The following DRC5 variants were observed in gnomAD, a reference collection of about 807,000 sequenced individuals.
The protein encoded by DRC5 is dynein regulatory complex subunit 5.
chr6:44,282,497 A>G, the DRC5 span: 1 of 1,608,032 alleles, frequency 6.2e-7, no homozygotes, highest in South Asian at 1.1e-5. Flanking sequence ...GGTGGTCCAG[A>G]AGGCTTCGAA....
At chr6:44,288,993 C>CAA in the DRC5 span, among the ~76,000 whole-genome samples, 19,732 of 32,644 alleles carry the variant, frequency 0.6, 7,105 homozygotes, top group South Asian at 0.77. Flanking sequence ...GACTCTGTCT[C>CAA]AAAAAAAAAA....
chr6:44,286,177 C>A, the DRC5 span: 9 of 1,612,382 alleles, frequency 5.6e-6, no homozygotes, highest in Non-Finnish European at 5.9e-6. Context: ...CTGAGTCGGA[C>A]TGGTCGCCCG....
chr6:44,286,053 C>T, the DRC5 span: 151 of 1,614,000 alleles, frequency 9.4e-5, no homozygotes, highest in Non-Finnish European at 1.2e-4. Flanking sequence ...AAATTCATGC[C>T]GCAGTCCTTG....
chr6:44,282,225 G>C, the DRC5 span: 8 of 1,614,110 alleles, frequency 5.0e-6, no homozygotes, highest in African/African-American at 5.3e-5. Flanking sequence ...GAGGTGCAGC[G>C]TGGTGAGGCA....
At chr6:44,287,989 T>C in the DRC5 span, 2 of 817,326 alleles carry the variant, frequency 2.4e-6, no homozygotes, top group African/African-American at 3.5e-5. Context: ...AGAGAGGTGG[T>C]ACAGAATAGT....
the DRC5 span, chr6:44,279,897 CCTCT>C: frequency 1.1e-4 from 35 of 331,988 alleles, no homozygotes; most frequent in African/African-American, 2.3e-4. Context: ...CCCTCAGACA[CCTCT>C]CTGACTTCCC....
chr6:44,286,123 T>G, the DRC5 span: 5 of 1,613,870 alleles, frequency 3.1e-6, no homozygotes, highest in Non-Finnish European at 4.2e-6. Context: ...GATCGCCCAG[T>G]TGGTAGTGGT....
the DRC5 span, chr6:44,287,567 T>C: frequency 2.5e-5 from 40 of 1,610,062 alleles, no homozygotes; most frequent in East Asian, 7.8e-4. Context: ...TTCCTGATAA[T>C]GTGCTGAATG....
At chr6:44,288,245 C>T in the DRC5 span, among the ~76,000 whole-genome samples, 3 of 152,192 alleles carry the variant, frequency 2.0e-5, no homozygotes, top group Admixed American at 2.0e-4. Context: ...ACAGTAATTG[C>T]TCTGTGCCAG....
the DRC5 span, chr6:44,279,751 GTGTGT>G: frequency 5.2e-3 from 150 of 28,856 alleles, 1 homozygote; most frequent in Middle Eastern, 0.021. Flanking sequence ...GCCAGAGGGT[GTGTGT>G]GTGTGTGTGT....
chr6:44,296,935 C>CTTGGACTTG, the DRC5 span, among the ~76,000 whole-genome samples: 1 of 147,442 alleles, frequency 6.8e-6, no homozygotes, highest in African/African-American at 2.5e-5. Context: ...AACTGAGCCT[C>CTTGGACTTG]GGCCCGTGTG....
chr6:44,282,416 C>G, the DRC5 span: 1 of 1,614,064 alleles, frequency 6.2e-7, no homozygotes, highest in African/African-American at 1.3e-5. Context: ...TGTGGCTCAG[C>G]AGCTTGGCAG....
chr6:44,286,400 T>TGCATGCA, the DRC5 span: 1 of 1,614,188 alleles, frequency 6.2e-7, no homozygotes, highest in Non-Finnish European at 8.5e-7. Flanking sequence ...GGGCCAGCGA[T>TGCATGCA]GCATGCAGCA....
the DRC5 span, chr6:44,287,479 C>G: frequency 6.7e-7 from 1 of 1,492,520 alleles, no homozygotes; most frequent in Non-Finnish European, 9.1e-7. Flanking sequence ...GTCTTGGCTC[C>G]GGACAGTCCC....
the DRC5 span, among the ~76,000 whole-genome samples, chr6:44,288,087 T>C: frequency 1.3e-5 from 2 of 152,148 alleles, no homozygotes; most frequent in African/African-American, 2.4e-5. Context: ...ATTTCAGATG[T>C]TGCCTCTGAG....
the DRC5 span, chr6:44,286,509 G>T: frequency 6.2e-7 from 1 of 1,613,506 alleles, no homozygotes. Context: ...TGTTCCGGGA[G>T]CATCTGCTTC....
the DRC5 span, chr6:44,286,467 CA>C: frequency 6.2e-7 from 1 of 1,614,162 alleles, no homozygotes; most frequent in Non-Finnish European, 8.5e-7. Flanking sequence ...AGTGGTAGGT[CA>C]GGGGACAGGT....
chr6:44,295,723 G>A, the DRC5 span, among the ~76,000 whole-genome samples: 5 of 152,148 alleles, frequency 3.3e-5, no homozygotes, highest in African/African-American at 1.2e-4. Flanking sequence ...CAGGAGGCAG[G>A]ACAGCAGCTG....
the DRC5 span, chr6:44,282,547 T>A: frequency 6.3e-7 from 1 of 1,589,494 alleles, no homozygotes; most frequent in Non-Finnish European, 8.5e-7. Context: ...TTGCTTCGGG[T>A]CAGCTTGAAG....
Sources: gnomAD v4.1 joint callset for allele counts (sites outside exome capture counted in the v4.1 genomes callset) on GRCh38, gnomAD v4.1.1 for gene constraint, MANE v1.5 for transcripts, NCBI Gene and HGNC (gene_info 2026-07-23, HGNC 2026-07-21) for gene names.